Variants in SLC3A2 observed in about 807,000 individuals in gnomAD.
SLC3A2 encodes the protein solute carrier family 3 member 2, also known as amino acid transporter heavy chain SLC3A2.
SLC3A2 carries 32 observed loss-of-function variants against 48.5 expected under a neutral mutation model. The ratio of observed to expected loss-of-function variants is 0.66; its 90% CI spans 0.50 to 0.89. SLC3A2 has a LOEUF of 0.89. Ranked by LOEUF, SLC3A2 falls within the 40% of genes least tolerant of loss-of-function variation. The pLI, the probability that SLC3A2 is intolerant of heterozygous loss-of-function variation, is 0.00. For missense variants in SLC3A2, 587 were observed against 680.7 expected, an observed-to-expected ratio of 0.86 and a Z score of 1.53; for synonymous variants, 277 against 288.8, an observed-to-expected ratio of 0.96 and a Z score of 0.41.
At chr11:62,870,837 GGTA>G (rs1489681816) in intron 1 of SLC3A2, 10 of 154,246 alleles carry the variant, frequency 6.5e-5, no homozygotes, top group Admixed American at 4.9e-4. Context: ...CGAGATGATA[GGTA>G]ATAATAATAA....
At position 62,880,902 on chromosome 11, in the gene SLC3A2, A is replaced by G; in HGVS notation, c.-122A>G. ...GCCGCGCCTGCTGCTGAGCAGATGC[A>G]GTAGCCGAAACTGCGCGGAGGCACA... On this transcript the variant is annotated 5_prime_UTR_variant, in exon 1 of 9. Transcript: ENST00000338663. 1.4e-6 allele frequency: 2 copies of G among 1,445,542 alleles called. No homozygotes were observed. Among genetic ancestry groups the G allele is most frequent in the Non-Finnish European group, 9.1e-7 (1 of 1,099,076 alleles). 89.5% of individuals were successfully genotyped at this position (1,445,542 alleles called of 1,614,324 possible).
intron 1 of SLC3A2, among the ~76,000 whole-genome samples, chr11:62,860,110 A>G (rs1183478850): frequency 6.6e-6 from 1 of 151,918 alleles, no homozygotes; most frequent in Non-Finnish European, 1.5e-5. Flanking sequence ...TGAGCAAAGG[A>G]CTCTGTGTCA....
chr11:62,865,690 G>A (rs960376835), intron 1 of SLC3A2, among the ~76,000 whole-genome samples: 2 of 151,646 alleles, frequency 1.3e-5, no homozygotes, highest in African/African-American at 4.9e-5. Context: ...GTTTGTAGAT[G>A]CTTAGTAGCA....
intron 1 of SLC3A2, among the ~76,000 whole-genome samples, chr11:62,869,162 G>C (rs938089244): frequency 8.1e-4 from 123 of 151,814 alleles, no homozygotes; most frequent in African/African-American, 2.8e-3. Context: ...GCCTCCCAAA[G>C]TGCTGGGATT....
chr11:62,885,653 C>A, intron 7 of SLC3A2, 45 bp downstream of exon 7: 1 of 1,602,024 alleles, frequency 6.2e-7, no homozygotes, highest in South Asian at 1.1e-5. Flanking sequence ...GTTTATCCAT[C>A]TTACAATGAT....
chr11:62,856,856 G>C (rs1425948562), intron 1 of SLC3A2, among the ~76,000 whole-genome samples: 1 of 144,970 alleles, frequency 6.9e-6, no homozygotes, highest in Non-Finnish European at 1.5e-5. Context: ...ACGGAGTTTC[G>C]CTCTTGTTGC....
chr11:62,881,007 C>T lies in SLC3A2; in HGVS notation c.-17C>T, dbSNP rs1263094765. ...TCTGACCGCAAGCTGCGTCGTGTCG[C>T]CGGTTCTGCAGGCACCATGAGCCAG... is the stretch of plus-strand genomic sequence containing the variant. On this transcript the variant is annotated 5_prime_UTR_variant, in exon 1 of 9. Coordinates refer to ENST00000338663, the MANE Select transcript of SLC3A2 (RefSeq NM_001013251.3). This position sits in a 1 kb window ranked among gnomAD's most constrained non-coding sequence, Gnocchi z 4.0. 6.5e-7 allele frequency: 1 copy of T among 1,542,616 alleles called. No homozygotes were observed. The highest frequency in any genetic ancestry group is 1.9e-5 in the Admixed American group (1 of 51,926).
Position 62,865,946 on chromosome 11 carries a change from C to T in SLC3A2, c.112+9565C>T, listed in dbSNP as rs146853499. Among the ~76,000 whole-genome samples the T allele has an allele frequency of 3.9e-5, 6 of 152,228 alleles. No individual in the cohort carries two copies. In the East Asian group the frequency reaches 7.7e-4, roughly 20 times the overall value. On this transcript the variant is annotated intron_variant, in intron 1 of 9. Coordinates refer to the SLC3A2 transcript ENST00000377889. ...CTCCTGTCATCAGCTGTGGACTGCT[C>T]AGAAGCCACCACTGAATTTCTAAGT... is the stretch of plus-strand genomic sequence containing the variant.
At chr11:62,865,891 A>G (rs1456554845) in intron 1 of SLC3A2, among the ~76,000 whole-genome samples, 1 of 152,044 alleles carries the variant, frequency 6.6e-6, no homozygotes, top group Non-Finnish European at 1.5e-5. Context: ...ACTTCCCCGT[A>G]TATCTTGAGT....
chr11:62,867,353 G>T (rs533517947), intron 1 of SLC3A2, among the ~76,000 whole-genome samples: 2 of 107,116 alleles, frequency 1.9e-5, no homozygotes, highest in East Asian at 6.0e-4. Context: ...TTGATACAGA[G>T]TCTCGCTCTG....
At chr11:62,871,506 C>A in intron 1 of SLC3A2, 1 of 498,128 alleles carries the variant, frequency 2.0e-6, no homozygotes, top group South Asian at 2.8e-5. Context: ...TCCCAAAGTG[C>A]TGGGATTACA....
rs576007644 is a variant in SLC3A2 at position 62,882,975 on chromosome 11, T to C, written c.666T>C (p.Val222=). 10 of 1,614,208 alleles carry C rather than the reference T, an allele frequency of 6.2e-6. No homozygotes were observed. In the East Asian group the frequency reaches 2.2e-4, roughly 36 times the overall value. ...RGENSWFSTQ[V]DTVATKVKDA... ...AGAACTCGTGGTTCTCCACTCAGGT[T>C]GACACTGTGGCCACCAAGGTGAAGG... The change falls in exon 3 of 9, where the codon GTT becomes GTC. Residue 222 remains valine, a synonymous_variant. Coordinates refer to ENST00000338663, the MANE Select transcript of SLC3A2 (RefSeq NM_001013251.3).
chr11:62,858,156 G>C (rs536297326), intron 1 of SLC3A2, among the ~76,000 whole-genome samples: 1 of 152,306 alleles, frequency 6.6e-6, no homozygotes, highest in East Asian at 1.9e-4. Context: ...TTAGGCAAGA[G>C]GATTCAATGC....
Position 62,881,588 on chromosome 11 carries a change from C to T in SLC3A2, c.424+141C>T. 8.4e-7 allele frequency: 1 copy of T among 1,190,962 alleles called. No individual in the cohort carries two copies. The highest frequency in any genetic ancestry group is 1.6e-5 in the South Asian group (1 of 62,640). The allele number at this position is 1,190,962 out of a possible 1,614,324, so 73.8% of individuals were successfully genotyped here. A position where few individuals can be genotyped will look rare whatever the true frequency, so the allele number is the denominator to read the frequency against. On this transcript the variant is annotated intron_variant, in intron 1 of 8. Transcript: ENST00000338663. The surrounding 1 kb of genome is among the most constrained non-coding windows in gnomAD (Gnocchi z 4.0). ...CGACTGTTCCCCCTTCCCCCACCCC[C>T]TCCCCGGCACATTGTCCTTCCCTCC...
chr11:62,873,345 G>C (rs886983826), intron 1 of SLC3A2, among the ~76,000 whole-genome samples: 1 of 151,762 alleles, frequency 6.6e-6, no homozygotes, highest in Non-Finnish European at 1.5e-5. Context: ...AAAATTAGCC[G>C]GGCATGGTGG....
At chr11:62,866,645 C>T (rs992934514) in intron 1 of SLC3A2, among the ~76,000 whole-genome samples, 9 of 152,140 alleles carry the variant, frequency 5.9e-5, no homozygotes, top group East Asian at 1.9e-4. Context: ...ATCCGCCCTC[C>T]GCAGCCTCCC....
Position 62,881,785 on chromosome 11 carries a change from C to A in SLC3A2, c.425-108C>A, listed in dbSNP as rs1031603255. On this transcript the variant is annotated intron_variant, in intron 1 of 8. Coordinates refer to ENST00000338663, the MANE Select transcript of SLC3A2 (RefSeq NM_001013251.3). The surrounding 1 kb of genome is among the most constrained non-coding windows in gnomAD (Gnocchi z 4.0). ...TGATTCAGCCTTGCCTCCCTCTCTC[C>A]CCCTTTGCCCCCTCCCCGTCCCACC... The A allele has an allele frequency of 4.7e-6, 6 of 1,277,416 alleles. No individual in the cohort carries two copies. Among genetic ancestry groups the A allele is most frequent in the Non-Finnish European group, 6.6e-6 (6 of 915,876 alleles). The allele number at this position is 1,277,416 out of a possible 1,614,324, so 79.1% of individuals were successfully genotyped here.
At chr11:62,878,776 CT>C (rs1208769391), upstream of SLC3A2, among the ~76,000 whole-genome samples, 1 of 143,910 alleles carries the variant, frequency 6.9e-6, no homozygotes, top group African/African-American at 2.6e-5. Context: ...CACGCCTGGC[CT>C]TTTTTTTTCT....
In SLC3A2 at chr11:62,888,428, C is replaced by T. The variant is rs150311954; in HGVS notation, c.1325C>T (p.Ala442Val). The T allele has an allele frequency of 1.1e-4, 175 of 1,614,244 alleles. No homozygotes were observed. The African/African-American group carries it at 1.5e-3, about 14-fold the overall frequency. ...ERSLLHGDFHAFSAGPGLFSY... is the reference protein window; with the variant it reads ...ERSLLHGDFHVFSAGPGLFSY... ...TCCCTACTGCATGGGGACTTCCACGCGTTCTCCGCTGGGCCTGGACTCTTC... is the reference window on the plus strand; with the variant it reads ...TCCCTACTGCATGGGGACTTCCACGTGTTCTCCGCTGGGCCTGGACTCTTC... The change falls in exon 9 of 9, where the codon GCG becomes GTG. Residue 442 changes from alanine (A) to valine (V), a missense_variant. Transcript: ENST00000338663.
Sources: gnomAD v4.1 joint callset for allele counts (sites outside exome capture counted in the v4.1 genomes callset) on GRCh38, gnomAD v4.1.1 for gene constraint, Gnocchi (gnomAD v3.1) non-coding constraint, MANE v1.5 for transcripts, NCBI Gene and HGNC (gene_info 2026-07-23, HGNC 2026-07-21) for gene names.